STXBP5L: variants seen among roughly 807,000 people sequenced by gnomAD.
The protein encoded by STXBP5L is syntaxin binding protein 5L, also known as syntaxin-binding protein 5-like.
A neutral mutation model predicts 144.5 loss-of-function variants in STXBP5L; 65 were observed. The ratio of observed to expected loss-of-function variants is 0.45; its 90% CI spans 0.37 to 0.55. The LOEUF (loss-of-function observed/expected upper bound fraction) is 0.55, where lower values mean the gene tolerates loss of function less well. STXBP5L is among the 20% of genes least tolerant of loss of function. The probability of loss-of-function intolerance (pLI) is 0.00; values close to 1 mark genes in which losing one functional copy is unlikely to be tolerated. For synonymous variants in STXBP5L, 505 were observed against 469.6 expected, an observed-to-expected ratio of 1.08 and a Z score of -0.97; for missense variants, 1,298 against 1,405.5, an observed-to-expected ratio of 0.92 and a Z score of 1.22.
At chr3:121,392,783 ATATATATATATATATATATATAT>A (rs1278122019) in intron 22 of STXBP5L, among the ~76,000 whole-genome samples, 1 of 129,238 alleles carries the variant, frequency 7.7e-6, no homozygotes, top group East Asian at 2.1e-4. Flanking sequence ...ATATATATAT[ATATATATATATATATATATATAT>A]ATCACATTTT....
At position 121,040,760 on chromosome 3, in the gene STXBP5L, G is replaced by T. The variant is rs200128946; in HGVS notation, c.288-940G>T. On this transcript the variant is annotated intron_variant, in intron 3 of 26. Coordinates refer to ENST00000471454, the MANE Select transcript of STXBP5L (RefSeq NM_001308330.2). ...GTTGGAGCCTTGAAATTCTCTCTAG[G>T]CAGTAAACTGGGGCTATCATAAGCC... Among the ~76,000 whole-genome samples the T allele has an allele frequency of 2.3e-4, 35 of 152,136 alleles. No homozygotes were observed. The East Asian group carries it at 4.7e-3, about 20-fold the overall frequency.
At chr3:121,282,177 C>A in intron 19 of STXBP5L, 3 of 1,131,924 alleles carry the variant, frequency 2.7e-6, no homozygotes, top group Non-Finnish European at 3.9e-6. Context: ...GTTCTAGATT[C>A]TGGTATGATA....
chr3:121,343,174 A>G (rs1460626562), intron 20 of STXBP5L, among the ~76,000 whole-genome samples: 24 of 151,844 alleles, frequency 1.6e-4, no homozygotes, highest in Non-Finnish European at 2.4e-4. Context: ...CATGTCCTTC[A>G]CCCACTTTTT....
intron 20 of STXBP5L, among the ~76,000 whole-genome samples, chr3:121,374,485 T>C (rs1457062615): frequency 6.6e-6 from 1 of 151,984 alleles, no homozygotes; most frequent in Non-Finnish European, 1.5e-5. Flanking sequence ...ATGAAATGCC[T>C]GAAAAGGAAT....
chr3:120,969,506 C>T (rs1559927339), intron 3 of STXBP5L, among the ~76,000 whole-genome samples: 1 of 148,972 alleles, frequency 6.7e-6, no homozygotes, highest in African/African-American at 2.5e-5. Flanking sequence ...TGTGGGTTGT[C>T]TGTTTGCTGA....
intron 5 of STXBP5L, among the ~76,000 whole-genome samples, chr3:121,071,643 G>A (rs923693299): frequency 1.3e-5 from 2 of 152,178 alleles, no homozygotes; most frequent in Admixed American, 6.5e-5. Context: ...TCCCATAAAG[G>A]CCCTAAAGTG....
chr3:121,336,013 C>G (rs1420804310), intron 20 of STXBP5L, among the ~76,000 whole-genome samples: 2 of 152,136 alleles, frequency 1.3e-5, no homozygotes, highest in Non-Finnish European at 2.9e-5. Flanking sequence ...TATTTTCAAA[C>G]TATGCATCTG....
At chr3:120,974,558 T>C (rs907310984) in intron 3 of STXBP5L, among the ~76,000 whole-genome samples, 1 of 152,158 alleles carries the variant, frequency 6.6e-6, no homozygotes, top group African/African-American at 2.4e-5. Flanking sequence ...TAGATCCCAT[T>C]TGTCAACTTT....
chr3:121,092,248 A>G (rs1305229349), intron 5 of STXBP5L, among the ~76,000 whole-genome samples: 1 of 151,892 alleles, frequency 6.6e-6, no homozygotes, highest in Non-Finnish European at 1.5e-5. Flanking sequence ...TGACTTGGCA[A>G]TGCGGGCTCT....
chr3:121,208,707 C>A (rs2048435629), intron 10 of STXBP5L, among the ~76,000 whole-genome samples: 1 of 152,040 alleles, frequency 6.6e-6, no homozygotes, highest in South Asian at 2.1e-4. Context: ...TATTAAGGTG[C>A]AGGACACTAT....
intron 3 of STXBP5L, among the ~76,000 whole-genome samples, chr3:121,028,194 C>G (rs1174644482): frequency 2.6e-5 from 4 of 151,956 alleles, no homozygotes; most frequent in Non-Finnish European, 5.9e-5. Context: ...AAATCACTGA[C>G]TACATTTTCA....
At chr3:121,188,464 G>A (rs1188245730) in intron 9 of STXBP5L, among the ~76,000 whole-genome samples, 1 of 149,858 alleles carries the variant, frequency 6.7e-6, no homozygotes, top group Non-Finnish European at 1.5e-5. Context: ...TGAAGGCAAA[G>A]CCTTCATTCA....
chr3:121,234,738 A>G (rs2049418611), intron 12 of STXBP5L, among the ~76,000 whole-genome samples: 1 of 152,030 alleles, frequency 6.6e-6, no homozygotes, highest in African/African-American at 2.4e-5. Flanking sequence ...TGGGCCATTA[A>G]ATCATCATAA....
intron 3 of STXBP5L, among the ~76,000 whole-genome samples, chr3:120,985,020 A>G (rs150340046): frequency 2.6e-5 from 4 of 152,182 alleles, no homozygotes; most frequent in South Asian, 2.1e-4. Flanking sequence ...CCACTTGGTC[A>G]TGGTGTATAA....
At chr3:121,175,448 T>A (rs1445644474) in intron 9 of STXBP5L, among the ~76,000 whole-genome samples, 5 of 152,084 alleles carry the variant, frequency 3.3e-5, no homozygotes, top group African/African-American at 1.2e-4. Context: ...CCACATAAAT[T>A]TATGAGGCAT....
intron 3 of STXBP5L, among the ~76,000 whole-genome samples, chr3:120,965,780 C>A (rs983552165): frequency 6.6e-6 from 1 of 152,092 alleles, no homozygotes; most frequent in Non-Finnish European, 1.5e-5. Context: ...CAAAGAGTAT[C>A]TTTATGATCT....
intron 7 of STXBP5L, among the ~76,000 whole-genome samples, chr3:121,126,179 C>G (rs1472887926): frequency 1.3e-5 from 2 of 152,126 alleles, no homozygotes; most frequent in African/African-American, 4.8e-5. Context: ...TACAATTATT[C>G]TCGATAAGGG....
intron 9 of STXBP5L, among the ~76,000 whole-genome samples, chr3:121,202,732 C>T (rs2048184105): frequency 6.6e-6 from 1 of 151,952 alleles, no homozygotes; most frequent in Non-Finnish European, 1.5e-5. Context: ...TATCACATTC[C>T]ATTGCCTTTC....
chr3:121,395,121 G>A (rs1366234473), intron 22 of STXBP5L, among the ~76,000 whole-genome samples: 1 of 152,046 alleles, frequency 6.6e-6, no homozygotes, highest in Non-Finnish European at 1.5e-5. Context: ...TCTTAATAGA[G>A]CAGAAATAGT....
Sources: allele counts gnomAD v4.1 joint callset (sites outside exome capture counted in the v4.1 genomes callset), GRCh38; gene constraint gnomAD v4.1.1; transcripts MANE v1.5; gene names NCBI Gene and HGNC (gene_info 2026-07-23, HGNC 2026-07-21).